Variants in OSBPL1A observed in about 807,000 individuals in gnomAD.
The protein encoded by OSBPL1A is oxysterol binding protein like 1A.
Under a neutral mutation model 137.1 loss-of-function variants are expected in OSBPL1A, and 80 were observed. The ratio of observed to expected loss-of-function variants is 0.58; its 90% confidence interval spans 0.49 to 0.70. The LOEUF is 0.70. Ranked by LOEUF, OSBPL1A falls within the 30% of genes least tolerant of loss-of-function variation. The pLI is 0.00. For synonymous variants in OSBPL1A, 365 were observed against 389.7 expected (o/e 0.94, Z 0.75); for missense variants, 970 against 1,129.4 (o/e 0.86, Z 2.02).
Position 24,321,040 on chromosome 18 carries a change from A to AAAG in OSBPL1A, c.626-2232_626-2231insCTT, listed in dbSNP as rs1555650635. ...CAAGACTTCGTCTCAAAAAAAAAAA[A>AAAG]AAAAAGAAAAGAAAAGAATAATAAT... On this transcript the variant is annotated intron_variant, in intron 7 of 27. Transcript: ENST00000319481. Among the ~76,000 whole-genome samples, 97 of 146,100 alleles carry AAAG rather than the reference A, an allele frequency of 6.6e-4. 5 individuals are homozygous for AAAG. The highest frequency in any genetic ancestry group is 9.6e-4 in the Admixed American group (14 of 14,650).
intron 11 of OSBPL1A, 34 bp downstream of exon 11, chr18:24,317,115 G>A (rs952677686): frequency 1.9e-6 from 3 of 1,608,726 alleles, no homozygotes; most frequent in Non-Finnish European, 2.6e-6. Context: ...TGATTTCACA[G>A]TTAGAGGAGC....
At chr18:24,222,418 A>G (rs1169213185) in intron 17 of OSBPL1A, among the ~76,000 whole-genome samples, 4 of 152,140 alleles carry the variant, frequency 2.6e-5, no homozygotes, top group African/African-American at 9.6e-5. Context: ...CAAATATAAT[A>G]AGTTGGGTAA....
At chr18:24,391,375 T>C (rs1049314653) in intron 1 of OSBPL1A, among the ~76,000 whole-genome samples, 2 of 152,100 alleles carry the variant, frequency 1.3e-5, no homozygotes, top group South Asian at 2.1e-4. Context: ...ACAGTGGTGA[T>C]AGCTGTACTA....
intron 2 of OSBPL1A, among the ~76,000 whole-genome samples, chr18:24,371,609 C>T (rs1905645106): frequency 6.6e-6 from 1 of 152,148 alleles, no homozygotes; most frequent in Admixed American, 6.5e-5. Context: ...TGTCTCCCAT[C>T]TAAAGAGGAA....
At chr18:24,341,728 TACTA>T in intron 4 of OSBPL1A, 70 bp from the exon 5 acceptor site, 1 of 952,762 alleles carries the variant, frequency 1.0e-6, no homozygotes, top group South Asian at 1.5e-5. Flanking sequence ...TTTTCCAAAT[TACTA>T]ACTACTACAG....
chr18:24,368,334 G>C lies in OSBPL1A; in HGVS notation c.160C>G (p.Leu54Val). Residue 54 changes from leucine to valine, a missense_variant, in exon 3 of 28, where the codon CTG becomes GTG. Physicochemically the swap from Leu to Val is conservative, Grantham distance 32. Transcript: ENST00000319481. ...TGTCTGTGTCCAAAATAGCATGCCA[G>C]ATGTAGAGGTGTCCAGCCCAAGTTA... ...KSNLGWTPLH[L>V]ACYFGHRQVV... is the part of the protein sequence containing the mutation. 6.2e-7 allele frequency: 1 copy of C among 1,613,760 alleles called. No individual in the cohort carries two copies. The highest frequency in any genetic ancestry group is 8.5e-7 in the Non-Finnish European group (1 of 1,179,718).
chr18:24,246,215 A>AAAAT (rs1252889763), intron 15 of OSBPL1A, among the ~76,000 whole-genome samples: 43 of 152,118 alleles, frequency 2.8e-4, no homozygotes, highest in Admixed American at 1.2e-3. Flanking sequence ...CCCGTCTTGA[A>AAAAT]AAATAAATAA....
intron 17 of OSBPL1A, among the ~76,000 whole-genome samples, chr18:24,212,614 A>G (rs539541608): frequency 1.8e-4 from 28 of 152,314 alleles, no homozygotes; most frequent in African/African-American, 6.3e-4. Flanking sequence ...TTAAGTTGAT[A>G]TAATTTGATT....
chr18:24,360,710 GC>G (rs1209516901), intron 4 of OSBPL1A, among the ~76,000 whole-genome samples: 2 of 152,138 alleles, frequency 1.3e-5, no homozygotes, highest in African/African-American at 4.8e-5. Flanking sequence ...CCTTGTGTCT[GC>G]GTGGGTATCT....
chr18:24,166,824 A>G, intron 25 of OSBPL1A, 122 bp from the exon 26 acceptor site: 1 of 982,344 alleles, frequency 1.0e-6, no homozygotes. Flanking sequence ...AACAATGGTC[A>G]GTCTTTCTCA....
intron 14 of OSBPL1A, among the ~76,000 whole-genome samples, chr18:24,285,138 A>C (rs931631667): frequency 6.6e-6 from 1 of 152,124 alleles, no homozygotes; most frequent in Non-Finnish European, 1.5e-5. Context: ...GGCCACACCC[A>C]CTTGTTATAG....
At chr18:24,376,050 G>C (rs1906100296) in intron 2 of OSBPL1A, among the ~76,000 whole-genome samples, 1 of 152,176 alleles carries the variant, frequency 6.6e-6, no homozygotes, top group African/African-American at 2.4e-5. Flanking sequence ...TGGACCCAAA[G>C]AGTGAGCAGT....
intron 14 of OSBPL1A, among the ~76,000 whole-genome samples, chr18:24,301,913 A>C (rs569775146): frequency 6.6e-6 from 1 of 152,342 alleles, no homozygotes; most frequent in African/African-American, 2.4e-5. Flanking sequence ...AGTTGACTAA[A>C]GGAAACTAAC....
intron 4 of OSBPL1A, among the ~76,000 whole-genome samples, chr18:24,348,869 CAGTA>C (rs1443163572): frequency 2.0e-5 from 3 of 152,106 alleles, no homozygotes; most frequent in Non-Finnish European, 4.4e-5. Context: ...TGAAGCCCAA[CAGTA>C]AGTTTCACTC....
At chr18:24,179,482 T>G (rs969516312) in intron 20 of OSBPL1A, among the ~76,000 whole-genome samples, 1 of 151,246 alleles carries the variant, frequency 6.6e-6, no homozygotes, top group Admixed American at 6.6e-5. Context: ...ATGATCTACA[T>G]AAGGAAAAAA....
At chr18:24,362,368 C>A (rs1217174956) in intron 4 of OSBPL1A, among the ~76,000 whole-genome samples, 3 of 151,952 alleles carry the variant, frequency 2.0e-5, no homozygotes, top group African/African-American at 4.8e-5. Flanking sequence ...ATAAAAGGTT[C>A]TTTTTTCTCA....
intron 2 of OSBPL1A, among the ~76,000 whole-genome samples, chr18:24,374,803 C>A (rs891560430): frequency 1.2e-4 from 19 of 152,118 alleles, no homozygotes; most frequent in African/African-American, 4.6e-4. Flanking sequence ...CACTGAGAGA[C>A]CTGAGTTTGA....
At chr18:24,366,617 G>T (rs2091705318) in intron 4 of OSBPL1A, 3 of 306,438 alleles carry the variant, frequency 9.8e-6, no homozygotes, top group Admixed American at 1.0e-4. Flanking sequence ...TTAAAAAAAA[G>T]AATAATCAGG....
chr18:24,266,574 A>G (rs2089580411), intron 15 of OSBPL1A, among the ~76,000 whole-genome samples: 1 of 152,172 alleles, frequency 6.6e-6, no homozygotes, highest in Non-Finnish European at 1.5e-5. Flanking sequence ...TAGGTGAGCA[A>G]AAGAAACAGA....
Sources: gnomAD v4.1 joint callset for allele counts (sites outside exome capture counted in the v4.1 genomes callset) on GRCh38, gnomAD v4.1.1 for gene constraint, MANE v1.5 for transcripts, NCBI Gene and HGNC (gene_info 2026-07-23, HGNC 2026-07-21) for gene names.